The following BAIAP2 variants were observed in gnomAD, a reference collection of about 807,000 sequenced individuals.
The protein encoded by BAIAP2 is BAR/IMD domain-containing adapter protein 2.
A neutral mutation model predicts 63.0 loss-of-function variants in BAIAP2; 18 were observed. That is an observed-to-expected ratio of 0.29 (90% confidence interval 0.20 to 0.42). The LOEUF (loss-of-function observed/expected upper bound fraction) is 0.42, where lower values mean the gene tolerates loss of function less well. BAIAP2 is among the 10% of genes least tolerant of loss of function. The pLI is 1.00. For synonymous variants in BAIAP2, 386 were observed against 307.6 expected (o/e 1.25, Z -2.67); for missense variants, 610 against 734.3 (o/e 0.83, Z 1.96).
At chr17:81,061,651 A>G (rs1173038911) in intron 3 of BAIAP2, among the ~76,000 whole-genome samples, 3 of 152,160 alleles carry the variant, frequency 2.0e-5, no homozygotes, top group African/African-American at 7.2e-5. Context: ...GAGGTGCCAC[A>G]GTTTGGCCGT....
At position 81,037,096 on chromosome 17, in the gene BAIAP2, C is replaced by T. The variant is rs1447373141; in HGVS notation, c.54+1788C>T. 10 of 765,902 alleles carry T rather than the reference C, an allele frequency of 1.3e-5. No individual in the cohort carries two copies. In the South Asian group the frequency reaches 1.6e-4, roughly 12 times the overall value. 47.4% of individuals were successfully genotyped at this position (765,902 alleles called of 1,614,324 possible). A position where few individuals can be genotyped will look rare whatever the true frequency, so the allele number is the denominator to read the frequency against. On this transcript the variant is annotated intron_variant, in intron 1 of 13. Coordinates refer to ENST00000428708, the MANE Select transcript of BAIAP2 (RefSeq NM_001144888.2). ...TGCAGGTCTAAGTGAAATCTGCTGG[C>T]AGGAAAACTCTTAGGACTGAGTGTT...
intron 3 of BAIAP2, among the ~76,000 whole-genome samples, chr17:81,065,779 A>C (rs1174036328): frequency 6.6e-6 from 1 of 152,214 alleles, no homozygotes; most frequent in East Asian, 1.9e-4. Flanking sequence ...CAACGTGTAC[A>C]CCTGGGCAGG....
chr17:81,036,761 C>G, intron 1 of BAIAP2: 2 of 1,014,544 alleles, frequency 2.0e-6, no homozygotes, highest in Admixed American at 4.3e-5. Flanking sequence ...CTGTGGCATA[C>G]GGTTCTGGCC....
chr17:81,038,042 C>T lies in BAIAP2; in HGVS notation c.54+2734C>T, dbSNP rs190590867. Among the ~76,000 whole-genome samples, 543 of 152,320 alleles carry T rather than the reference C, an allele frequency of 3.6e-3. 4 individuals carry two copies. Among genetic ancestry groups the T allele is most frequent in the African/African-American group, 0.013 (522 of 41,576 alleles). On this transcript the variant is annotated intron_variant, in intron 1 of 13. Coordinates refer to ENST00000428708, the MANE Select transcript of BAIAP2 (RefSeq NM_001144888.2). ...TGCCGAGAACATAATCTCAGACCTT[C>T]TGGGGGCACTGCGTGGGCTGGGCCC...
At chr17:81,055,569 G>GGTTTT (rs138656369) in intron 2 of BAIAP2, among the ~76,000 whole-genome samples, 4 of 94,164 alleles carry the variant, frequency 4.2e-5, no homozygotes, top group African/African-American at 8.1e-5. Flanking sequence ...TCTGCAGGGT[G>GGTTTT]TTTTGTTTTT....
intron 11 of BAIAP2, 105 bp downstream of exon 11, chr17:81,106,251 T>A: frequency 8.2e-7 from 1 of 1,226,474 alleles, no homozygotes; most frequent in Non-Finnish European, 1.2e-6. Context: ...TTCCGGCTCC[T>A]TGTCTGCTAC....
chr17:81,060,172 C>T (rs760641046), intron 3 of BAIAP2, among the ~76,000 whole-genome samples: 1 of 152,222 alleles, frequency 6.6e-6, no homozygotes, highest in Non-Finnish European at 1.5e-5. Flanking sequence ...TTCCCGGTAA[C>T]AGCTTGATTG....
intron 1 of BAIAP2, chr17:81,036,722 T>G: frequency 1.4e-6 from 1 of 708,264 alleles, no homozygotes; most frequent in Non-Finnish European, 2.4e-6. Context: ...GCACAGGCCC[T>G]GGGGTTGTTA....
At position 81,115,944 on chromosome 17, in the gene BAIAP2, C is replaced by A; in HGVS notation, c.*105C>A. 6.5e-7 allele frequency: 1 copy of A among 1,543,216 alleles called. No homozygotes were observed. Among genetic ancestry groups the A allele is most frequent in the Non-Finnish European group, 8.7e-7 (1 of 1,144,842 alleles). On this transcript the variant is annotated 3_prime_UTR_variant, in exon 14 of 14. Transcript: ENST00000428708. ...TCCTGTGTAGAGAACATCCAGGCCC[C>A]GGCTGCCTGGTCTTGCCCCACTTGA...
intron 4 of BAIAP2, 56 bp downstream of exon 4, chr17:81,084,949 G>T (rs1454981145): frequency 1.9e-6 from 3 of 1,563,568 alleles, no homozygotes; most frequent in Non-Finnish European, 2.6e-6. Flanking sequence ...CGGGAGAGCT[G>T]GCGCCACACC....
chr17:81,098,171 T>C, intron 6 of BAIAP2: 1 of 1,462,796 alleles, frequency 6.8e-7, no homozygotes, highest in Non-Finnish European at 9.1e-7. Flanking sequence ...GAACTGTCAC[T>C]TCCACCTACA....
At chr17:81,078,531 G>A (rs1400642632) in intron 3 of BAIAP2, among the ~76,000 whole-genome samples, 5 of 136,640 alleles carry the variant, frequency 3.7e-5, no homozygotes, top group South Asian at 5.1e-4. Context: ...TGCGGGTGCC[G>A]TATTGGGTGG....
chr17:81,106,566 A>AG (rs1242679067), intron 11 of BAIAP2, among the ~76,000 whole-genome samples, 179 bp from the exon 12 acceptor site: 3 of 152,134 alleles, frequency 2.0e-5, no homozygotes, highest in African/African-American at 7.2e-5. Flanking sequence ...GGCCAGGAGG[A>AG]GGAAGGGAGG....
At chr17:81,091,898 C>A (rs1343670075) in intron 6 of BAIAP2, among the ~76,000 whole-genome samples, 1 of 152,192 alleles carries the variant, frequency 6.6e-6, no homozygotes, top group African/African-American at 2.4e-5. Context: ...TAGAGCTGGC[C>A]GGGGCCTGGC....
At chr17:81,098,192 TC>T in intron 6 of BAIAP2, 1 of 1,428,930 alleles carries the variant, frequency 7.0e-7, no homozygotes, top group South Asian at 1.5e-5. Flanking sequence ...GCCCTGTTGG[TC>T]AGGTGAGTCA....
At position 81,070,457 on chromosome 17, in the gene BAIAP2, C is replaced by T. The variant is rs369088611; in HGVS notation, c.217+12490C>T. Among the ~76,000 whole-genome samples, 7 of 152,308 alleles carry T rather than the reference C, an allele frequency of 4.6e-5. No individual in the cohort carries two copies. In the South Asian group the frequency reaches 6.2e-4, roughly 14 times the overall value. ...AATGTGGAAAGAAACCCCTCTGCCC[C>T]GTCAGACCTTAAACCTCCTTGCGGA... On this transcript the variant is annotated intron_variant, in intron 3 of 13. Coordinates refer to ENST00000428708, the MANE Select transcript of BAIAP2 (RefSeq NM_001144888.2).
At chr17:81,104,744 G>A in intron 10 of BAIAP2, 29 bp downstream of exon 10, 2 of 1,534,764 alleles carry the variant, frequency 1.3e-6, no homozygotes, top group South Asian at 1.2e-5. Flanking sequence ...CGGGCTCCAG[G>A]CAGCCGCTGC....
intron 6 of BAIAP2, chr17:81,087,574 T>G (rs544876898): frequency 6.6e-6 from 1 of 152,300 alleles, no homozygotes; most frequent in African/African-American, 2.4e-5. Context: ...ATTTCCAGTG[T>G]GGGGTCGCCT....
In BAIAP2 at chr17:81,116,490, C is replaced by G. The variant is rs961393517; in HGVS notation, c.*651C>G. On this transcript the variant is annotated 3_prime_UTR_variant, in exon 14 of 14. Transcript: ENST00000428708. ...CCCAGCCCTCCTCCTTACCCAACCT[C>G]CCATCCAGAACCTTGCTGCCAGGGC... The G allele has an allele frequency of 4.0e-6, 3 of 757,698 alleles. No homozygotes were observed. The South Asian group carries it at 5.5e-5, about 14-fold the overall frequency. 46.9% of individuals were successfully genotyped at this position (757,698 alleles called of 1,614,324 possible).
Sources: allele counts gnomAD v4.1 joint callset (sites outside exome capture counted in the v4.1 genomes callset), GRCh38; gene constraint gnomAD v4.1.1; transcripts MANE v1.5; gene names NCBI Gene and HGNC (gene_info 2026-07-23, HGNC 2026-07-21).